The following HIVEP3 variants were observed in gnomAD, a reference collection of about 807,000 sequenced individuals.
HIVEP3 encodes transcription factor HIVEP3.
In HIVEP3, 49 loss-of-function variants were observed where a neutral mutation model predicts 152.8. The ratio of observed to expected loss-of-function variants is 0.32; its 90% CI spans 0.26 to 0.41. The LOEUF is 0.41. HIVEP3 is among the 10% of genes least tolerant of loss of function. The pLI, the probability that HIVEP3 is intolerant of heterozygous loss-of-function variation, is 1.00. For missense variants in HIVEP3, 2,790 were observed against 3,103.3 expected (o/e 0.90, Z 2.40); for synonymous variants, 1,269 against 1,289.0 (o/e 0.98, Z 0.33).
At chr1:41,741,477 G>A (rs1315198219) in intron 1 of HIVEP3, among the ~76,000 whole-genome samples, 1 of 152,146 alleles carries the variant, frequency 6.6e-6, no homozygotes, top group Non-Finnish European at 1.5e-5. Context: ...AATGGGCCGT[G>A]CCGCTGACTA....
intron 1 of HIVEP3, among the ~76,000 whole-genome samples, chr1:41,833,497 A>G (rs560327041): frequency 1.3e-5 from 2 of 152,320 alleles, no homozygotes; most frequent in Non-Finnish European, 2.9e-5. Context: ...CAGAAAGGCT[A>G]AGGAATTTAG....
intron 1 of HIVEP3, among the ~76,000 whole-genome samples, chr1:41,830,753 C>T (rs1642940349): frequency 6.6e-6 from 1 of 152,158 alleles, no homozygotes; most frequent in Admixed American, 6.5e-5. Context: ...ACCCTGTGTC[C>T]CTCCCACCCC....
At chr1:41,969,573 G>A (rs968278006) in intron 1 of HIVEP3, among the ~76,000 whole-genome samples, 4 of 151,918 alleles carry the variant, frequency 2.6e-5, no homozygotes, top group South Asian at 2.1e-4. Flanking sequence ...CGAATTAAAC[G>A]CTTACATGTA....
At chr1:41,796,512 G>A (rs1649991292) in intron 1 of HIVEP3, among the ~76,000 whole-genome samples, 1 of 152,238 alleles carries the variant, frequency 6.6e-6, no homozygotes, top group Admixed American at 6.5e-5. Context: ...GCATAGATCT[G>A]GTATTCTGTG....
intron 3 of HIVEP3, among the ~76,000 whole-genome samples, chr1:41,596,247 G>A (rs1644664215): frequency 6.6e-6 from 1 of 152,220 alleles, no homozygotes; most frequent in Non-Finnish European, 1.5e-5. Context: ...GCAGGTGGAA[G>A]GCACAACTGG....
intron 1 of HIVEP3, among the ~76,000 whole-genome samples, chr1:42,016,335 A>G (rs1645522649): frequency 6.6e-6 from 1 of 152,240 alleles, no homozygotes; most frequent in Non-Finnish European, 1.5e-5. Flanking sequence ...AGGACAGGAA[A>G]GAAATGCTTT....
intron 1 of HIVEP3, among the ~76,000 whole-genome samples, chr1:41,868,704 C>T (rs545207559): frequency 3.5e-4 from 53 of 152,208 alleles, no homozygotes; most frequent in Non-Finnish European, 6.5e-4. Flanking sequence ...AAAGAGAAAG[C>T]ATGGGCTTGC....
At chr1:41,544,820 T>TACTACC (rs1643653518) in intron 5 of HIVEP3, among the ~76,000 whole-genome samples, 1 of 24,532 alleles carries the variant, frequency 4.1e-5, no homozygotes, top group Non-Finnish European at 8.4e-5. Context: ...CTACCACCTC[T>TACTACC]ACCACCACCA....
At chr1:41,891,908 G>A (rs796790508) in intron 1 of HIVEP3, among the ~76,000 whole-genome samples, 48 of 152,336 alleles carry the variant, frequency 3.2e-4, no homozygotes, top group Admixed American at 3.3e-4. Context: ...GAGAGAAAGC[G>A]TCCTGGAGAT....
chr1:41,824,796 G>T (rs1642739923), intron 1 of HIVEP3, among the ~76,000 whole-genome samples: 11 of 30,634 alleles, frequency 3.6e-4, no homozygotes, highest in African/African-American at 1.5e-3. Flanking sequence ...GAGAGAGAGA[G>T]AGAGAGAGAG....
chr1:41,810,404 C>T (rs2124326422), intron 1 of HIVEP3, among the ~76,000 whole-genome samples: 1 of 152,334 alleles, frequency 6.6e-6, no homozygotes, highest in South Asian at 2.1e-4. Flanking sequence ...GCAATGATCT[C>T]TCCTGGGTAC....
chr1:41,942,363 A>G (rs1401127396), intron 1 of HIVEP3, among the ~76,000 whole-genome samples: 1 of 152,210 alleles, frequency 6.6e-6, no homozygotes, highest in East Asian at 1.9e-4. Flanking sequence ...CTACTGATTT[A>G]TCCCTAAAAT....
chr1:42,033,927 T>G (rs185768755), intron 1 of HIVEP3, among the ~76,000 whole-genome samples: 4 of 152,324 alleles, frequency 2.6e-5, no homozygotes, highest in Admixed American at 1.3e-4. Context: ...GGGCCTCAAT[T>G]TCATCATCCC....
At chr1:41,661,837 G>T (rs890708201) in intron 2 of HIVEP3, among the ~76,000 whole-genome samples, 2 of 152,240 alleles carry the variant, frequency 1.3e-5, no homozygotes, top group Admixed American at 1.3e-4. Context: ...GTGTGCCAGA[G>T]AAGTGTGTGA....
intron 1 of HIVEP3, among the ~76,000 whole-genome samples, chr1:41,997,615 C>A (rs920784021): frequency 6.6e-6 from 1 of 152,152 alleles, no homozygotes; most frequent in South Asian, 2.1e-4. Flanking sequence ...AGGAATGCAT[C>A]CTCTGCATAA....
intron 1 of HIVEP3, among the ~76,000 whole-genome samples, chr1:41,936,901 A>C (rs1210442264): frequency 1.3e-5 from 2 of 152,184 alleles, no homozygotes; most frequent in Non-Finnish European, 2.9e-5. Context: ...GTCCTAGGAA[A>C]ACCATTTGGT....
chr1:41,847,253 A>G (rs1411994727), intron 1 of HIVEP3: 1 of 152,226 alleles, frequency 6.6e-6, no homozygotes, highest in Admixed American at 6.5e-5. Flanking sequence ...AACAACCTAA[A>G]CATCAAACCA....
chr1:41,521,540 AG>A (rs1272098483), intron 6 of HIVEP3, among the ~76,000 whole-genome samples: 6 of 152,164 alleles, frequency 3.9e-5, no homozygotes, highest in Non-Finnish European at 8.8e-5. Context: ...CCTCTGTGAA[AG>A]GGGAAGGTGG....
chr1:41,848,611 G>A (rs1453313600), intron 1 of HIVEP3, among the ~76,000 whole-genome samples: 1 of 152,172 alleles, frequency 6.6e-6, no homozygotes, highest in Non-Finnish European at 1.5e-5. Context: ...AGAGAGAATT[G>A]CAGGAAGAAG....
Sources: allele counts gnomAD v4.1 joint callset (sites outside exome capture counted in the v4.1 genomes callset), GRCh38; gene constraint gnomAD v4.1.1; transcripts MANE v1.5; gene names NCBI Gene and HGNC (gene_info 2026-07-23, HGNC 2026-07-21).